RCBTB1: variants seen among roughly 807,000 people sequenced by gnomAD.
RCBTB1 encodes the protein RCC1 and BTB domain-containing protein 1.
In RCBTB1, 46 loss-of-function variants were observed where a neutral mutation model predicts 62.4. The ratio of observed to expected loss-of-function variants is 0.74; its 90% CI spans 0.58 to 0.94. The LOEUF is 0.94. RCBTB1 is among the 40% of genes least tolerant of loss of function. The probability of loss-of-function intolerance (pLI) is 0.00; values close to 1 mark genes in which losing one functional copy is unlikely to be tolerated. For missense variants in RCBTB1, 565 were observed against 654.9 expected, an observed-to-expected ratio of 0.86 and a Z score of 1.50; for synonymous variants, 222 against 245.8, an observed-to-expected ratio of 0.90 and a Z score of 0.91.
chr13:49,568,007 A>T (rs963897521), intron 2 of RCBTB1, among the ~76,000 whole-genome samples: 7 of 152,226 alleles, frequency 4.6e-5, no homozygotes, highest in African/African-American at 1.7e-4. Context: ...AAAGGGGATA[A>T]GAAAGAAAGT....
rs1316707749 is a variant in RCBTB1 at position 49,549,046 on chromosome 13, C to G, written c.1045+412G>C. 1.3e-4 allele frequency among the ~76,000 whole-genome samples: 14 copies of G among 107,534 alleles called. 3 individuals carry two copies. In the South Asian group the frequency reaches 1.8e-3, roughly 14 times the overall value. The allele number at this position is 107,534 out of a possible 152,430, so 70.5% of individuals were successfully genotyped here. ...ACTTGGGAGGCTGAGGCAGGAAAAT[C>G]TCTTGAACTCGGGAGGTGGAGGTTG... On this transcript the variant is annotated intron_variant, in intron 9 of 12. Coordinates refer to ENST00000378302, the MANE Select transcript of RCBTB1 (RefSeq NM_018191.4).
Position 49,566,733 on chromosome 13 carries a change from T to C in RCBTB1, c.162A>G (p.Leu54=). Residue 54 remains leucine, a synonymous_variant, in exon 4 of 13, where the codon CTA becomes CTG. Coordinates refer to ENST00000378302, the MANE Select transcript of RCBTB1 (RefSeq NM_018191.4). ...FVFGLNYSNC[L]GTGDNQSTLV... Reference sequence around the variant, plus strand: ...GTGTACTCTGGTTATCTCCAGTTCCTAGACAGTTACTATAGTTCAGTCCAA... The same window carrying C: ...GTGTACTCTGGTTATCTCCAGTTCCCAGACAGTTACTATAGTTCAGTCCAA... 6.2e-7 allele frequency: 1 copy of C among 1,614,026 alleles called. No individual in the cohort carries two copies. Among genetic ancestry groups the C allele is most frequent in the South Asian group, 1.1e-5 (1 of 91,054 alleles).
At chr13:49,574,391 T>C (rs925596716) in intron 2 of RCBTB1, among the ~76,000 whole-genome samples, 11 of 152,218 alleles carry the variant, frequency 7.2e-5, no homozygotes, top group Admixed American at 2.0e-4. Flanking sequence ...AGTGCTGGGA[T>C]TAGAGGCGTG....
Position 49,555,604 on chromosome 13 carries a change from G to A in RCBTB1, c.514C>T (p.Arg172Ter), listed in dbSNP as rs372094611. 28 of 1,613,132 alleles carry A rather than the reference G, an allele frequency of 1.7e-5. No homozygotes were observed. The highest frequency in any genetic ancestry group is 3.3e-5 in the Admixed American group (2 of 59,882). Residue 172 changes from arginine (R) to a stop codon, truncating the protein, a stop_gained, in exon 6 of 13, where the codon CGA becomes TGA. Transcript: ENST00000378302. LOFTEE classifies it high-confidence loss of function. ...SGSTANQPTP[R>*]KVTNCLHIKR... The stretch of plus-strand genomic sequence containing the variant: ...ATATGTAAACAGTTTGTAACTTTTC[G>A]AGGAGTTGGTTGATTTGCTGTAGAA...
intron 4 of RCBTB1, among the ~76,000 whole-genome samples, chr13:49,560,348 C>T (rs1362438246): frequency 1.3e-5 from 2 of 152,150 alleles, no homozygotes; most frequent in African/African-American, 2.4e-5. Flanking sequence ...TTTACGTATG[C>T]AAGAATTAGG....
At chr13:49,576,982 G>T (rs745938057) in intron 2 of RCBTB1, among the ~76,000 whole-genome samples, 2 of 152,090 alleles carry the variant, frequency 1.3e-5, no homozygotes, top group Non-Finnish European at 2.9e-5. Context: ...ATTTTCTCTG[G>T]CACTTGAAAA....
chr13:49,583,437 T>C lies in RCBTB1; in HGVS notation c.-122+2007A>G, dbSNP rs188006467. 4.7e-4 allele frequency among the ~76,000 whole-genome samples: 71 copies of C among 152,226 alleles called. 1 individual carries two copies. The highest frequency in any genetic ancestry group is 1.9e-4 in the Non-Finnish European group (13 of 68,010). On this transcript the variant is annotated intron_variant, in intron 1 of 12. Transcript: ENST00000378302. ...GTTTTAAATGTGATCTAACACACAG[T>C]TGACTTATATAATTATTTCATTAAC...
chr13:49,569,794 T>C (rs201341255), intron 2 of RCBTB1, among the ~76,000 whole-genome samples: 1 of 151,644 alleles, frequency 6.6e-6, no homozygotes, highest in Non-Finnish European at 1.5e-5. Flanking sequence ...GCAGTCTCAG[T>C]TACTCAGGAG....
At chr13:49,552,482 C>T (rs1961460064) in intron 6 of RCBTB1, among the ~76,000 whole-genome samples, 197 bp from the exon 7 acceptor site, 1 of 152,144 alleles carries the variant, frequency 6.6e-6, no homozygotes, top group Non-Finnish European at 1.5e-5. Flanking sequence ...TACTCCATGA[C>T]TTACTAGTTA....
chr13:49,565,464 G>A (rs1465575214), intron 4 of RCBTB1, among the ~76,000 whole-genome samples: 1 of 150,808 alleles, frequency 6.6e-6, no homozygotes, highest in East Asian at 2.0e-4. Context: ...GAGCGTCTCT[G>A]CCTGGCCGCC....
At chr13:49,540,816 G>A (rs1251481296) in intron 12 of RCBTB1, 60 bp downstream of exon 12, 3 of 1,564,494 alleles carry the variant, frequency 1.9e-6, no homozygotes, top group African/African-American at 2.8e-5. Context: ...GCAAGAAGCG[G>A]GGGAGACGAG....
In RCBTB1 at chr13:49,544,819, A is replaced by C; in HGVS notation, c.1090T>G (p.Phe364Val). 13 of 1,612,084 alleles carry C rather than the reference A, an allele frequency of 8.1e-6. No individual in the cohort carries two copies. Among genetic ancestry groups the C allele is most frequent in the Non-Finnish European group, 1.1e-5 (13 of 1,178,858 alleles). Reference sequence around the variant, plus strand: ...AGATCAGCAGTTTCTGGACTATCAAATTCTTTCTTCAGTGACTCTGCAACT... The same window carrying C: ...AGATCAGCAGTTTCTGGACTATCAACTTCTTTCTTCAGTGACTCTGCAACT... ...LTVAESLKKE[F>V]DSPETADLKF... Residue 364 changes from phenylalanine (F) to valine (V), a missense_variant, in exon 10 of 13, where the codon TTT becomes GTT. By Grantham distance (50) the Phe-to-Val change is conservative (BLOSUM62 -1). Transcript: ENST00000378302.
chr13:49,554,736 G>A (rs1246367530), intron 6 of RCBTB1, among the ~76,000 whole-genome samples: 1 of 152,168 alleles, frequency 6.6e-6, no homozygotes, highest in Non-Finnish European at 1.5e-5. Context: ...ACTCATGCTT[G>A]ATGATCTGAG....
At chr13:49,538,778 T>C (rs1042147956) in intron 12 of RCBTB1, among the ~76,000 whole-genome samples, 3 of 151,950 alleles carry the variant, frequency 2.0e-5, no homozygotes, top group Non-Finnish European at 2.9e-5. Flanking sequence ...CACACATATA[T>C]ATATATGCCC....
At chr13:49,540,781 T>TGTA in intron 12 of RCBTB1, 95 bp downstream of exon 12, 18 of 1,323,942 alleles carry the variant, frequency 1.4e-5, no homozygotes, top group South Asian at 4.3e-5. Flanking sequence ...AGAAGTGGAG[T>TGTA]GACTCATCGT....
intron 2 of RCBTB1, among the ~76,000 whole-genome samples, chr13:49,576,847 T>TC (rs1232436007): frequency 6.6e-6 from 1 of 152,070 alleles, no homozygotes; most frequent in African/African-American, 2.4e-5. Flanking sequence ...AATGACTTTT[T>TC]TTTTTAACTG....
intron 12 of RCBTB1, among the ~76,000 whole-genome samples, chr13:49,537,265 G>A (rs531214151): frequency 5.3e-5 from 8 of 152,332 alleles, no homozygotes; most frequent in East Asian, 1.9e-4. Flanking sequence ...TATAATTCAT[G>A]TTATAGCACA....
chr13:49,547,302 A>T, intron 9 of RCBTB1: 1 of 601,998 alleles, frequency 1.7e-6, no homozygotes, highest in Non-Finnish European at 2.5e-6. Context: ...CATGCCCATG[A>T]CTGGTCACCT....
At chr13:49,559,039 T>C (rs1277765903) in intron 5 of RCBTB1, among the ~76,000 whole-genome samples, 1 of 152,236 alleles carries the variant, frequency 6.6e-6, no homozygotes, top group Non-Finnish European at 1.5e-5. Context: ...GGTGATGTCT[T>C]TGTGACCAGA....
Sources: gnomAD v4.1 joint callset for allele counts (sites outside exome capture counted in the v4.1 genomes callset) on GRCh38, gnomAD v4.1.1 for gene constraint, MANE v1.5 for transcripts, NCBI Gene and HGNC (gene_info 2026-07-23, HGNC 2026-07-21) for gene names.